Variants in AP3B1 observed in about 807,000 individuals in gnomAD.
The protein encoded by AP3B1 is adaptor related protein complex 3 subunit beta 1.
Under a neutral mutation model 132.5 loss-of-function variants are expected in AP3B1, and 61 were observed. The observed-to-expected ratio is 0.46, with a 90% CI of 0.37 to 0.57. The LOEUF is 0.57. Among genes scored for constraint, AP3B1 ranks in the 20% least tolerant of loss-of-function variants. The pLI, the probability that AP3B1 is intolerant of heterozygous loss-of-function variation, is 0.00. For missense variants in AP3B1, 1,120 were observed against 1,289.4 expected, an observed-to-expected ratio of 0.87 and a Z score of 2.01; for synonymous variants, 388 against 438.3, an observed-to-expected ratio of 0.89 and a Z score of 1.43.
At chr5:78,251,626 C>G (rs1326252576) in intron 2 of AP3B1, among the ~76,000 whole-genome samples, 1 of 152,174 alleles carries the variant, frequency 6.6e-6, no homozygotes, top group Non-Finnish European at 1.5e-5. Flanking sequence ...GATGCCCACC[C>G]ACAGGGGGAG....
At chr5:78,197,184 T>C (rs1008890662) in intron 7 of AP3B1, among the ~76,000 whole-genome samples, 19 of 151,250 alleles carry the variant, frequency 1.3e-4, no homozygotes, top group African/African-American at 4.7e-4. Context: ...ATAAAGCTTA[T>C]TTTTATTTTT....
chr5:78,045,198 T>C (rs1023236791), intron 22 of AP3B1, among the ~76,000 whole-genome samples: 1 of 151,964 alleles, frequency 6.6e-6, no homozygotes, highest in Non-Finnish European at 1.5e-5. Context: ...CTGGCCAACA[T>C]GGTGAAACCC....
chr5:78,044,901 A>G (rs1289878443), intron 22 of AP3B1, among the ~76,000 whole-genome samples: 1 of 152,240 alleles, frequency 6.6e-6, no homozygotes, highest in Non-Finnish European at 1.5e-5. Context: ...TTCTTTCCAC[A>G]TTCAACCAAG....
At chr5:78,097,605 T>TG (rs1218959775) in intron 21 of AP3B1, among the ~76,000 whole-genome samples, 3 of 74,792 alleles carry the variant, frequency 4.0e-5, no homozygotes, top group South Asian at 4.6e-4. Context: ...GGGAGGGAGG[T>TG]GGGGGGGTCA....
intron 1 of AP3B1, among the ~76,000 whole-genome samples, chr5:78,291,413 A>G (rs1166681279): frequency 2.6e-5 from 3 of 116,452 alleles, no homozygotes; most frequent in Non-Finnish European, 5.7e-5. Flanking sequence ...CTCCCCACAG[A>G]TAATTTGAAA....
chr5:78,189,300 C>T, intron 7 of AP3B1, among the ~76,000 whole-genome samples: 1 of 152,030 alleles, frequency 6.6e-6, no homozygotes, highest in Admixed American at 6.6e-5. Flanking sequence ...CCTCTATGAA[C>T]ATACCATCAT....
intron 1 of AP3B1, among the ~76,000 whole-genome samples, chr5:78,274,375 A>T (rs1210476740): frequency 6.6e-6 from 1 of 151,342 alleles, no homozygotes; most frequent in Admixed American, 6.6e-5. Flanking sequence ...TGGAAAAAAT[A>T]GAACAGAGCA....
At chr5:78,024,854 C>A (rs1286633424) in intron 24 of AP3B1, among the ~76,000 whole-genome samples, 1 of 148,192 alleles carries the variant, frequency 6.7e-6, no homozygotes, top group Non-Finnish European at 1.5e-5. Flanking sequence ...TGAGTCACTG[C>A]GCCTGGCCTT....
At chr5:78,171,719 A>T (rs1426746698) in intron 11 of AP3B1, among the ~76,000 whole-genome samples, 2 of 152,160 alleles carry the variant, frequency 1.3e-5, no homozygotes, top group Non-Finnish European at 2.9e-5. Flanking sequence ...TCCTAATTGA[A>T]TACCCGTTAT....
chr5:78,077,120 A>G (rs1368957909), intron 22 of AP3B1, among the ~76,000 whole-genome samples: 3 of 152,134 alleles, frequency 2.0e-5, no homozygotes, highest in Non-Finnish European at 4.4e-5. Context: ...ACAACAAATT[A>G]GGCCTTTTTG....
chr5:78,084,521 C>CAAAAAAAAAAAAAAAAAAAAA (rs568637894), intron 22 of AP3B1, among the ~76,000 whole-genome samples: 3 of 44,000 alleles, frequency 6.8e-5, no homozygotes, highest in Admixed American at 2.6e-4. Context: ...CAGACCCTGT[C>CAAAAAAAAAAAAAAAAAAAAA]AAAAAAAAAA....
chr5:78,215,574 C>T (rs766256593), intron 7 of AP3B1, among the ~76,000 whole-genome samples: 2 of 152,092 alleles, frequency 1.3e-5, no homozygotes, highest in Non-Finnish European at 2.9e-5. Context: ...AAATACAAAA[C>T]TAGGAAAAAG....
intron 11 of AP3B1, among the ~76,000 whole-genome samples, chr5:78,167,947 C>G (rs1352689107): frequency 1.3e-5 from 2 of 149,360 alleles, no homozygotes; most frequent in African/African-American, 4.9e-5. Context: ...GCACCGAAAT[C>G]TCAGAAATCA....
At chr5:78,170,349 T>C (rs1022431417) in intron 11 of AP3B1, among the ~76,000 whole-genome samples, 2 of 152,248 alleles carry the variant, frequency 1.3e-5, no homozygotes, top group African/African-American at 2.4e-5. Flanking sequence ...TCCACAATGG[T>C]TGAACTAGTT....
In AP3B1 at chr5:78,175,679, G is replaced by C. The variant is rs1744117760; in HGVS notation, c.1114C>G (p.Leu372Val). The change falls in exon 11 of 27, where the codon CTG (leucine) becomes GTG (valine). Residue 372 changes from leucine (L) to valine (V), a missense_variant. This residue lies in a region of AP3B1 where 906 missense variants were observed against 997.1 expected (regional missense o/e 0.91). Coordinates refer to ENST00000255194, the MANE Select transcript of AP3B1 (RefSeq NM_003664.5). ...IQRKGMFEPY[L>V]KSFYVRSTDP... is the part of the protein sequence containing the mutation. The stretch of plus-strand genomic sequence containing the variant: ...GTTGACCTAACATAGAAACTCTTCA[G>C]ATAAGGTTCAAACATCCCCTGGATT... The C allele has an allele frequency of 6.2e-7, 1 of 1,613,218 alleles. No individual in the cohort carries two copies. Among genetic ancestry groups the C allele is most frequent in the Non-Finnish European group, 8.5e-7 (1 of 1,179,538 alleles).
At chr5:78,250,772 A>G (rs1486201874) in intron 2 of AP3B1, among the ~76,000 whole-genome samples, 1 of 152,114 alleles carries the variant, frequency 6.6e-6, no homozygotes, top group African/African-American at 2.4e-5. Context: ...GGGATGTGGC[A>G]TTTTTTTAAA....
downstream of AP3B1, chr5:78,000,523 T>C (rs1426615234): frequency 6.6e-6 from 1 of 152,198 alleles, no homozygotes; most frequent in Non-Finnish European, 1.5e-5. Flanking sequence ...TGCAAATAGT[T>C]ATCGAGAAGG....
intron 24 of AP3B1, among the ~76,000 whole-genome samples, chr5:78,033,378 T>C (rs1018405902): frequency 2.6e-5 from 4 of 152,084 alleles, no homozygotes; most frequent in African/African-American, 7.2e-5. Flanking sequence ...TATGCTACAT[T>C]GCTTATATTT....
intron 2 of AP3B1, among the ~76,000 whole-genome samples, chr5:78,256,489 A>T (rs1747853477): frequency 6.6e-6 from 1 of 152,150 alleles, no homozygotes; most frequent in Admixed American, 6.5e-5. Flanking sequence ...AAACTTGAAC[A>T]GACCCCAATA....
Sources: gnomAD v4.1 joint callset for allele counts (sites outside exome capture counted in the v4.1 genomes callset) on GRCh38, gnomAD v4.1.1 for gene constraint, gnomAD v4.1.1 regional missense constraint, MANE v1.5 for transcripts, NCBI Gene and HGNC (gene_info 2026-07-23, HGNC 2026-07-21) for gene names.